Variants in NR2C2 observed in about 807,000 individuals in gnomAD.
NR2C2 encodes nuclear receptor subfamily 2 group C member 2.
Under a neutral mutation model 62.9 loss-of-function variants are expected in NR2C2, and 6 were observed. That is an observed-to-expected ratio of 0.10 (90% CI 0.05 to 0.19). The LOEUF (loss-of-function observed/expected upper bound fraction) is 0.19. Ranked by LOEUF, NR2C2 falls within the 10% of genes least tolerant of loss-of-function variation. The pLI, the probability that NR2C2 is intolerant of heterozygous loss-of-function variation, is 1.00. For missense variants in NR2C2, 479 were observed against 762.7 expected, an observed-to-expected ratio of 0.63 and a Z score of 4.38; for synonymous variants, 272 against 273.8, an observed-to-expected ratio of 0.99 and a Z score of 0.07.
chr3:15,019,028 A>T (rs1203580022), intron 4 of NR2C2, among the ~76,000 whole-genome samples: 1 of 149,184 alleles, frequency 6.7e-6, no homozygotes, highest in East Asian at 1.9e-4. Flanking sequence ...AAAAAAAAAA[A>T]AAAAAAAAAA....
chr3:15,024,224 C>T lies in NR2C2; in HGVS notation c.798+16C>T, dbSNP rs2041758701. ...GGATTCTAAGGTGACGTTCTCTACT[C>T]ATGCTCTCTCTCATCCTTTATGTTG... On this transcript the variant is annotated intron_variant, in intron 7 of 13. Coordinates refer to ENST00000425241, the MANE Select transcript of NR2C2 (RefSeq NM_001291694.2). 1.9e-6 allele frequency: 3 copies of T among 1,545,908 alleles called. No individual in the cohort carries two copies. The highest frequency in any genetic ancestry group is 2.7e-6 in the Non-Finnish European group (3 of 1,128,184).
At chr3:15,010,458 C>T (rs1405139085) in intron 2 of NR2C2, among the ~76,000 whole-genome samples, 1 of 151,946 alleles carries the variant, frequency 6.6e-6, no homozygotes, top group Non-Finnish European at 1.5e-5. Flanking sequence ...TTGGTTCTCA[C>T]CTGTAAACTC....
At chr3:14,952,182 C>T (rs1317507391) in intron 1 of NR2C2, among the ~76,000 whole-genome samples, 1 of 152,234 alleles carries the variant, frequency 6.6e-6, no homozygotes, top group Non-Finnish European at 1.5e-5. Context: ...TATAATTCCC[C>T]ATTTGTCAAA....
At chr3:15,037,965 C>T (rs1304644515) in intron 11 of NR2C2, 35 bp from the exon 12 acceptor site, 2 of 1,594,754 alleles carry the variant, frequency 1.3e-6, no homozygotes, top group African/African-American at 1.4e-5. Context: ...TTGTTCTTAC[C>T]AGCCTTTCTC....
chr3:14,996,804 C>G (rs559163544), intron 1 of NR2C2, among the ~76,000 whole-genome samples: 1 of 152,116 alleles, frequency 6.6e-6, no homozygotes, highest in African/African-American at 2.4e-5. Flanking sequence ...CCTCGTGATC[C>G]GCCCGCCTCG....
intron 1 of NR2C2, among the ~76,000 whole-genome samples, chr3:14,990,893 A>G (rs1450677886): frequency 2.0e-5 from 3 of 152,242 alleles, no homozygotes; most frequent in Non-Finnish European, 4.4e-5. Flanking sequence ...GCTCTTAGCA[A>G]ATCGTTTCTT....
At chr3:14,953,435 T>C (rs1291301185) in intron 1 of NR2C2, among the ~76,000 whole-genome samples, 1 of 152,140 alleles carries the variant, frequency 6.6e-6, no homozygotes, top group East Asian at 1.9e-4. Flanking sequence ...TGACTGCTGC[T>C]GAAAAGTGAA....
chr3:14,954,460 C>T lies in NR2C2; in HGVS notation c.-40+6554C>T, dbSNP rs981467706. 2.2e-4 allele frequency among the ~76,000 whole-genome samples: 33 copies of T among 152,230 alleles called. 4 individuals carry two copies. The highest frequency in any genetic ancestry group is 2.1e-3 in the South Asian group (10 of 4,820). ...TTCATAGGAGCACTAATCATAAGGA[C>T]TCCAAACTAGAAACAATCTAAGTGT... is the stretch of plus-strand genomic sequence containing the variant. On this transcript the variant is annotated intron_variant, in intron 1 of 13. Transcript: ENST00000425241.
In NR2C2 at chr3:15,013,781, A is replaced by C. The variant is rs1451592164; in HGVS notation, c.265A>C (p.Arg89=). 1 of 1,614,170 alleles carries C rather than the reference A, an allele frequency of 6.2e-7. No individual in the cohort carries two copies. Residue 89 remains arginine, a synonymous_variant, in exon 3 of 14, where the codon AGG becomes CGG. Coordinates refer to ENST00000425241, the MANE Select transcript of NR2C2 (RefSeq NM_001291694.2). ...CACCTCAGACAACCTCGTCCCTGGC[A>C]GGATCCAGGTAAGGCCTTTGGACAG... ...FTTSDNLVPG[R]IQIVTDSASV...
chr3:14,988,945 T>C (rs2040586569), intron 1 of NR2C2, among the ~76,000 whole-genome samples: 1 of 152,208 alleles, frequency 6.6e-6, no homozygotes, highest in South Asian at 2.1e-4. Context: ...ATGTTTTCTT[T>C]CAGCCTCCTT....
chr3:15,028,765 C>T (rs773315011), intron 8 of NR2C2, 46 bp downstream of exon 8: 2 of 1,598,118 alleles, frequency 1.3e-6, no homozygotes, highest in Non-Finnish European at 1.7e-6. Context: ...CCTGGACACC[C>T]TCCCTCTATT....
chr3:14,967,791 T>G (rs2039900522), intron 1 of NR2C2, among the ~76,000 whole-genome samples: 1 of 152,160 alleles, frequency 6.6e-6, no homozygotes, highest in Admixed American at 6.5e-5. Flanking sequence ...AAAACAGAGA[T>G]ATAGATCAAT....
chr3:14,987,519 T>G (rs1246174443), intron 1 of NR2C2, among the ~76,000 whole-genome samples: 3 of 152,016 alleles, frequency 2.0e-5, no homozygotes, highest in African/African-American at 7.3e-5. Context: ...TATTTGAAAG[T>G]TTTTTTTAAT....
chr3:14,949,872 A>G (rs529175435), intron 1 of NR2C2, among the ~76,000 whole-genome samples: 1 of 152,256 alleles, frequency 6.6e-6, no homozygotes, highest in African/African-American at 2.4e-5. Flanking sequence ...CGAGATAGAG[A>G]TATTTATACA....
Position 15,039,151 on chromosome 3 carries a change from A to G in NR2C2, c.1540A>G (p.Ile514Val). ...TCCAGGTTTGACCAGCACAAGCCAG[A>G]TTGAAAAATTCCAAGAAAAGGCACA... ...DHPGLTSTSQ[I>V]EKFQEKAQME... Residue 514 changes from isoleucine (I) to valine (V), a missense_variant, in exon 13 of 14, where the codon ATT (isoleucine) becomes GTT (valine). Around this residue, in one of 4 missense-constraint regions of NR2C2, gnomAD observed 162 missense variants for 296.8 expected, o/e 0.55. Transcript: ENST00000425241. The G allele has an allele frequency of 6.2e-7, 1 of 1,614,158 alleles. No homozygotes were observed. Among genetic ancestry groups the G allele is most frequent in the Non-Finnish European group, 8.5e-7 (1 of 1,180,018 alleles).
At chr3:15,022,235 G>C (rs1332380441) in intron 5 of NR2C2, among the ~76,000 whole-genome samples, 1 of 152,156 alleles carries the variant, frequency 6.6e-6, no homozygotes, top group Admixed American at 6.5e-5. Flanking sequence ...GCTAAAAGGA[G>C]AGTTTGCTAG....
intron 2 of NR2C2, among the ~76,000 whole-genome samples, chr3:15,007,078 C>G (rs2041196580): frequency 6.8e-6 from 1 of 147,558 alleles, no homozygotes; most frequent in Admixed American, 6.8e-5. Flanking sequence ...CCACCCAGCC[C>G]AAATCTCATC....
intron 1 of NR2C2, among the ~76,000 whole-genome samples, chr3:14,970,868 T>TA (rs1274327396): frequency 6.6e-6 from 1 of 152,214 alleles, no homozygotes; most frequent in Non-Finnish European, 1.5e-5. Context: ...TGGTTCAACT[T>TA]ACAATTTTTT....
At chr3:14,969,880 CAT>C (rs765131155) in intron 1 of NR2C2, among the ~76,000 whole-genome samples, 2 of 152,264 alleles carry the variant, frequency 1.3e-5, no homozygotes, top group East Asian at 1.9e-4. Flanking sequence ...TGTTTAAAAA[CAT>C]AGAGCTCTCC....
Sources: gnomAD v4.1 joint callset for allele counts (sites outside exome capture counted in the v4.1 genomes callset) on GRCh38, gnomAD v4.1.1 for gene constraint, gnomAD v4.1.1 regional missense constraint, MANE v1.5 for transcripts, NCBI Gene and HGNC (gene_info 2026-07-23, HGNC 2026-07-21) for gene names.